Variants in LDAH observed in about 807,000 individuals in gnomAD.
LDAH encodes the protein lipid droplet associated hydrolase.
Under a neutral mutation model 29.6 loss-of-function variants are expected in LDAH, and 26 were observed. The observed-to-expected ratio is 0.88, with a 90% CI of 0.64 to 1.22. The LOEUF (loss-of-function observed/expected upper bound fraction) is 1.22, where lower values mean the gene tolerates loss of function less well. Ranked by LOEUF, LDAH falls within the 50% of genes most tolerant of loss-of-function variation. LDAH has a pLI of 0.00. For synonymous variants in LDAH, 117 were observed against 133.0 expected, an observed-to-expected ratio of 0.88 and a Z score of 0.83; for missense variants, 344 against 387.3, an observed-to-expected ratio of 0.89 and a Z score of 0.94.
chr2:20,773,304 TCAGA>T (rs1375597179), intron 4 of LDAH, among the ~76,000 whole-genome samples: 5 of 151,190 alleles, frequency 3.3e-5, no homozygotes, highest in Admixed American at 2.6e-4. Context: ...TTGTCTAAGA[TCAGA>T]CAGACTAAAA....
chr2:20,740,296 TG>T, intron 4 of LDAH, 91 bp from the exon 5 acceptor site: 1 of 866,728 alleles, frequency 1.2e-6, no homozygotes, highest in East Asian at 2.6e-5. Context: ...GACAAATGAA[TG>T]GGTTTTAGAA....
At chr2:20,688,027 C>T (rs942710672) in intron 6 of LDAH, among the ~76,000 whole-genome samples, 4 of 152,212 alleles carry the variant, frequency 2.6e-5, no homozygotes, top group Non-Finnish European at 5.9e-5. Flanking sequence ...AAATGTGCTC[C>T]TTCATTCAGA....
intron 1 of LDAH, among the ~76,000 whole-genome samples, chr2:20,816,760 A>G (rs1000078662): frequency 5.3e-5 from 8 of 152,070 alleles, no homozygotes; most frequent in African/African-American, 1.9e-4. Flanking sequence ...GCAACCAATA[A>G]TAACAGAATA....
At position 20,818,975 on chromosome 2, in the gene LDAH, G is replaced by C. The variant is rs542866106; in HGVS notation, c.-3+4062C>G. Among the ~76,000 whole-genome samples, 23 of 152,122 alleles carry C rather than the reference G, an allele frequency of 1.5e-4. 1 individual carries two copies. The South Asian group carries it at 4.6e-3, about 30-fold the overall frequency. Reference sequence around the variant, plus strand: ...TTCACCTACTTTTGCTGTATTTGCTGTCTGAATGACTGCACACTAACCCCA... The same window carrying C: ...TTCACCTACTTTTGCTGTATTTGCTCTCTGAATGACTGCACACTAACCCCA... On this transcript the variant is annotated intron_variant, in intron 1 of 6. Transcript: ENST00000237822.
chr2:20,723,322 A>T (rs1572480044), intron 5 of LDAH, among the ~76,000 whole-genome samples: 1 of 152,156 alleles, frequency 6.6e-6, no homozygotes, highest in East Asian at 1.9e-4. Flanking sequence ...AGTAAGTGAG[A>T]TGGGCAGAAG....
At chr2:20,707,050 T>C (rs1664356972) in intron 5 of LDAH, among the ~76,000 whole-genome samples, 1 of 152,156 alleles carries the variant, frequency 6.6e-6, no homozygotes, top group Non-Finnish European at 1.5e-5. Flanking sequence ...GAACATTTCT[T>C]TCATATTGAG....
At chr2:20,788,040 T>C (rs1296103777) in intron 3 of LDAH, among the ~76,000 whole-genome samples, 2 of 152,244 alleles carry the variant, frequency 1.3e-5, no homozygotes, top group South Asian at 2.1e-4. Flanking sequence ...AGTTTTAGTA[T>C]TTCTTTTCAA....
intron 4 of LDAH, among the ~76,000 whole-genome samples, chr2:20,763,900 G>A (rs1192129523): frequency 6.6e-6 from 1 of 151,750 alleles, no homozygotes; most frequent in African/African-American, 2.4e-5. Context: ...TCACTTTCTT[G>A]CAGCTTTCCA....
At chr2:20,694,879 G>A (rs555592822) in intron 6 of LDAH, among the ~76,000 whole-genome samples, 44 of 152,376 alleles carry the variant, frequency 2.9e-4, no homozygotes, top group African/African-American at 1.0e-3. Flanking sequence ...CAAGCCACGA[G>A]GCCATCAAGT....
chr2:20,769,031 A>G (rs1669236204), intron 4 of LDAH, among the ~76,000 whole-genome samples: 1 of 151,844 alleles, frequency 6.6e-6, no homozygotes, highest in South Asian at 2.1e-4. Flanking sequence ...ATCTCTATCA[A>G]CCTTGAATCT....
chr2:20,771,879 C>T (rs1477902995), intron 4 of LDAH, among the ~76,000 whole-genome samples: 1 of 152,124 alleles, frequency 6.6e-6, no homozygotes, highest in Non-Finnish European at 1.5e-5. Flanking sequence ...ACATATCTTT[C>T]TGAAAACTCT....
At chr2:20,711,384 C>CA (rs563372762) in intron 5 of LDAH, among the ~76,000 whole-genome samples, 2,014 of 106,306 alleles carry the variant, frequency 0.019, 52 homozygotes, top group African/African-American at 0.057. Context: ...GAGTCCGTAT[C>CA]AAAAAAAAAA....
intron 5 of LDAH, among the ~76,000 whole-genome samples, chr2:20,731,855 G>GTTTT (rs1007306542): frequency 7.1e-6 from 1 of 140,460 alleles, no homozygotes; most frequent in African/African-American, 2.6e-5. Flanking sequence ...TTTTCTTTTA[G>GTTTT]TTTTTTTTTT....
rs772051768 is a variant in LDAH at position 20,686,872 on chromosome 2, C to T, written c.*31G>A. On this transcript the variant is annotated 3_prime_UTR_variant, in exon 7 of 7. Coordinates refer to ENST00000237822, the MANE Select transcript of LDAH (RefSeq NM_021925.4). ...CTAGTACACTGACTGCCTCCATGTA[C>T]TGGCAGTGGGGGCTTGTTCCTCAGG... 1.3e-6 allele frequency: 2 copies of T among 1,582,536 alleles called. No homozygotes were observed. Among genetic ancestry groups the T allele is most frequent in the Middle Eastern group, 1.7e-4 (1 of 5,922 alleles).
intron 4 of LDAH, among the ~76,000 whole-genome samples, chr2:20,767,393 A>G (rs1669116117): frequency 6.6e-6 from 1 of 152,206 alleles, no homozygotes; most frequent in Non-Finnish European, 1.5e-5. Flanking sequence ...GTTGGGGCCA[A>G]GCCTGGTCAC....
At chr2:20,702,265 G>A (rs1201858141) in intron 5 of LDAH, among the ~76,000 whole-genome samples, 10 of 152,150 alleles carry the variant, frequency 6.6e-5, no homozygotes. Context: ...GTACTGGTAA[G>A]AAAATTTTCA....
intron 4 of LDAH, among the ~76,000 whole-genome samples, chr2:20,747,270 G>A (rs548724017): frequency 8.5e-5 from 13 of 152,216 alleles, no homozygotes; most frequent in Admixed American, 5.2e-4. Flanking sequence ...GTGAAGCTGC[G>A]ACAAATAGTA....
chr2:20,689,159 G>A (rs1291932140), intron 6 of LDAH, among the ~76,000 whole-genome samples: 1 of 152,040 alleles, frequency 6.6e-6, no homozygotes, highest in Non-Finnish European at 1.5e-5. Context: ...CCCTGCAAAG[G>A]ACATGAACTC....
In LDAH at chr2:20,684,411, T is replaced by A. The variant is rs936697289; in HGVS notation, c.*2492A>T. ...ATTGCTTTTTTTTTTTGCTCTTTTT[T>A]AAAAATTATTTTAGACACGAGGTCT... On this transcript the variant is annotated 3_prime_UTR_variant, in exon 7 of 7. Transcript: ENST00000237822. The A allele has an allele frequency of 3.9e-5, 6 of 152,540 alleles. No homozygotes were observed. The highest frequency in any genetic ancestry group is 1.2e-4 in the African/African-American group (5 of 41,474). The allele number at this position is 152,540 out of a possible 1,614,324, so 9.4% of individuals were successfully genotyped here.
Sources: gnomAD v4.1 joint callset for allele counts (sites outside exome capture counted in the v4.1 genomes callset) on GRCh38, gnomAD v4.1.1 for gene constraint, MANE v1.5 for transcripts, NCBI Gene and HGNC (gene_info 2026-07-23, HGNC 2026-07-21) for gene names.